TEX35: variants seen among roughly 807,000 people sequenced by gnomAD.
TEX35 encodes testis expressed 35.
A neutral mutation model predicts 31.9 loss-of-function variants in TEX35; 26 were observed. The ratio of observed to expected loss-of-function variants is 0.81; its 90% CI spans 0.60 to 1.13. The LOEUF is 1.13. Ranked by LOEUF, TEX35 falls within the 50% of genes most tolerant of loss-of-function variation. The pLI, the probability that TEX35 is intolerant of heterozygous loss-of-function variation, is 0.00. For synonymous variants in TEX35, 87 were observed against 90.7 expected, an observed-to-expected ratio of 0.96 and a Z score of 0.23; for missense variants, 278 against 273.5, an observed-to-expected ratio of 1.02 and a Z score of -0.12.
chr1:178,516,760 C>T, intron 5 of TEX35, 86 bp downstream of exon 5: 1 of 848,326 alleles, frequency 1.2e-6, no homozygotes. Flanking sequence ...CCTCCAGGAG[C>T]TTATTATCTA....
In TEX35 at chr1:178,520,783, G is replaced by C. The variant is rs1447184247; in HGVS notation, c.452G>C (p.Gly151Ala). 1 of 1,614,102 alleles carries C rather than the reference G, an allele frequency of 6.2e-7. No homozygotes were observed. Among genetic ancestry groups the C allele is most frequent in the Non-Finnish European group, 8.5e-7 (1 of 1,180,016 alleles). ...ATGGATGGAGCCAGTGGAGTCAATG[G>C]AGCACCCTGTGCTCTTCACAAGAAG... Reference protein sequence around the residue: ...KKMDGASGVNGAPCALHKKTM... With the variant: ...KKMDGASGVNAAPCALHKKTM... Residue 151 changes from glycine (G) to alanine (A), a missense_variant, in exon 7 of 9, where the codon GGA becomes GCA. Coordinates refer to ENST00000319416, the MANE Select transcript of TEX35 (RefSeq NM_032126.5).
At chr1:178,513,983 T>G (rs1203982630) in intron 1 of TEX35, 44 bp from the exon 2 acceptor site, 1 of 1,607,284 alleles carries the variant, frequency 6.2e-7, no homozygotes. Context: ...TCCTCCCCAA[T>G]CCTGATGTCT....
chr1:178,518,307 C>G (rs1650152085), intron 5 of TEX35, among the ~76,000 whole-genome samples: 1 of 151,936 alleles, frequency 6.6e-6, no homozygotes, highest in South Asian at 2.1e-4. Flanking sequence ...CATTGTTAGA[C>G]AATAGATATA....
rs763765873 is a variant in TEX35, at chr1:178,515,841, T to C, written c.160-18T>C. ...AGATATTTCTTTCCTCCTTCTCTTCTCCATTTTATTTCCTCAGAATGAACT... is the reference window on the plus strand; with the variant it reads ...AGATATTTCTTTCCTCCTTCTCTTCCCCATTTTATTTCCTCAGAATGAACT... On this transcript the variant is annotated intron_variant, in intron 3 of 8. Coordinates refer to ENST00000319416, the MANE Select transcript of TEX35 (RefSeq NM_032126.5). 1.2e-6 allele frequency: 2 copies of C among 1,603,262 alleles called. No homozygotes were observed. The highest frequency in any genetic ancestry group is 1.7e-6 in the Non-Finnish European group (2 of 1,172,324).
intron 5 of TEX35, among the ~76,000 whole-genome samples, chr1:178,517,010 G>A (rs1354151068): frequency 6.6e-6 from 1 of 152,222 alleles, no homozygotes; most frequent in Non-Finnish European, 1.5e-5. Flanking sequence ...GGATGATCTA[G>A]ATTCTAGAGC....
At chr1:178,516,497 A>G (rs1650081642) in intron 4 of TEX35, 118 bp from the exon 5 acceptor site, 2 of 818,890 alleles carry the variant, frequency 2.4e-6, no homozygotes, top group Admixed American at 2.1e-5. Context: ...ACAGGCCATT[A>G]TTAGTCCATG....
chr1:178,522,613 G>A lies in TEX35; in HGVS notation c.*173G>A, dbSNP rs1223968420. The A allele has an allele frequency of 3.8e-6, 5 of 1,299,244 alleles. No individual in the cohort carries two copies. The highest frequency in any genetic ancestry group is 2.9e-5 in the East Asian group (1 of 35,036). The allele number at this position is 1,299,244 out of a possible 1,614,324, so 80.5% of individuals were successfully genotyped here. A position where few individuals can be genotyped will look rare whatever the true frequency, so the allele number is the denominator to read the frequency against. On this transcript the variant is annotated 3_prime_UTR_variant, in exon 9 of 9. Transcript: ENST00000319416. ...CCTTGTTTCATCTCTTTGCTAAGCT[G>A]GCTGCTTCTACCATCTAATAAATAA...
intron 8 of TEX35, 75 bp downstream of exon 8, chr1:178,521,339 C>A (rs368087165): frequency 9.2e-6 from 14 of 1,528,244 alleles, no homozygotes; most frequent in Non-Finnish European, 1.1e-5. Context: ...TGCTCCCAGC[C>A]GCATTCACAT....
intron 2 of TEX35, among the ~76,000 whole-genome samples, chr1:178,514,485 G>A (rs1457690016): frequency 6.6e-6 from 1 of 152,202 alleles, no homozygotes; most frequent in Admixed American, 6.5e-5. Flanking sequence ...AGGGACAAAA[G>A]GAGCTGAGGC....
At chr1:178,521,099 C>T in intron 7 of TEX35, 123 bp from the exon 8 acceptor site, 2 of 1,586,960 alleles carry the variant, frequency 1.3e-6, no homozygotes, top group South Asian at 2.3e-5. Flanking sequence ...GATGGGCCTA[C>T]CCGCCAGCTC....
At chr1:178,522,277 C>G in intron 8 of TEX35, 48 bp from the exon 9 acceptor site, 1 of 1,526,476 alleles carries the variant, frequency 6.6e-7, no homozygotes, top group Non-Finnish European at 8.8e-7. Context: ...GGGGATCCAC[C>G]CTTCTCACCC....
chr1:178,521,265 G>A lies in TEX35; in HGVS notation c.586+1G>A, dbSNP rs533799319. 3.7e-6 allele frequency: 6 copies of A among 1,614,234 alleles called. No homozygotes were observed. The African/African-American group carries it at 5.3e-5, about 14-fold the overall frequency. On this transcript the variant is annotated splice_donor_variant, in intron 8 of 8. Coordinates refer to ENST00000319416, the MANE Select transcript of TEX35 (RefSeq NM_032126.5). LOFTEE classifies it high-confidence loss of function. ...GCTCTAAAGAACAACTACAATCGGG[G>A]TAGGTAGATTCATACAAGATGTGCC...
chr1:178,514,817 G>A (rs368751536), intron 3 of TEX35, 49 bp downstream of exon 3: 147 of 1,539,754 alleles, frequency 9.5e-5, no homozygotes, highest in Admixed American at 1.9e-4. Context: ...CCACGTGAGT[G>A]TAAGTTTTCC....
chr1:178,515,936 A>G, intron 4 of TEX35, 21 bp downstream of exon 4: 2 of 1,591,350 alleles, frequency 1.3e-6, no homozygotes, highest in South Asian at 1.1e-5. Flanking sequence ...GAGGCCTTCC[A>G]TATCATGGAG....
intron 6 of TEX35, 30 bp from the exon 7 acceptor site, chr1:178,520,642 TC>T: frequency 6.2e-7 from 1 of 1,608,578 alleles, no homozygotes; most frequent in East Asian, 2.2e-5. Context: ...TCTCCCCAAC[TC>T]TCTGCCCCTC....
At chr1:178,519,984 T>C (rs1442616599) in intron 5 of TEX35, among the ~76,000 whole-genome samples, 2 of 152,250 alleles carry the variant, frequency 1.3e-5, no homozygotes, top group Non-Finnish European at 2.9e-5. Context: ...TCTGGGTGCA[T>C]GCCAAGGGTC....
rs543050394 is a variant in TEX35 at position 178,516,333 on chromosome 1, C to T, written c.217-282C>T. ...CATCCTTAGGAAAAAAGCGAATAAT[C>T]GAGCAAGAAAGTGTAATCGAAGCTG... On this transcript the variant is annotated intron_variant, in intron 4 of 8. Transcript: ENST00000319416. Among the ~76,000 whole-genome samples, 8 of 152,244 alleles carry T rather than the reference C, an allele frequency of 5.3e-5. No individual in the cohort carries two copies. The East Asian group carries it at 1.2e-3, about 22-fold the overall frequency.
downstream of TEX35, chr1:178,523,482 T>G (rs916100633): frequency 8.4e-6 from 4 of 477,132 alleles, no homozygotes; most frequent in Non-Finnish European, 1.5e-5. Context: ...GAGCAATGTA[T>G]TTGGTGCTTC....
Position 178,520,664 on chromosome 1 carries a change from C to G in TEX35, c.342-9C>G, listed in dbSNP as rs894777339. ...AACTCTCTGCCCCTCCCTGGCCCTCCTCCCCCAGTCCCCTTAGAAGAGCAC... is the reference window on the plus strand; with the variant it reads ...AACTCTCTGCCCCTCCCTGGCCCTCGTCCCCCAGTCCCCTTAGAAGAGCAC... On this transcript the variant is annotated splice_polypyrimidine_tract_variant and intron_variant, in intron 6 of 8. Coordinates refer to ENST00000319416, the MANE Select transcript of TEX35 (RefSeq NM_032126.5). 6.2e-7 allele frequency: 1 copy of G among 1,613,276 alleles called. No individual in the cohort carries two copies. Among genetic ancestry groups the G allele is most frequent in the Non-Finnish European group, 8.5e-7 (1 of 1,179,632 alleles).
Sources: gnomAD v4.1 joint callset for allele counts (sites outside exome capture counted in the v4.1 genomes callset) on GRCh38, gnomAD v4.1.1 for gene constraint, MANE v1.5 for transcripts, NCBI Gene and HGNC (gene_info 2026-07-23, HGNC 2026-07-21) for gene names.